RUNX1: variants seen among roughly 807,000 people sequenced by gnomAD.
The protein encoded by RUNX1 is RUNX family transcription factor 1.
In RUNX1, 19 loss-of-function variants were observed where a neutral mutation model predicts 42.8. The ratio of observed to expected loss-of-function variants is 0.44; its 90% CI spans 0.31 to 0.65. The LOEUF (loss-of-function observed/expected upper bound fraction) is 0.65, where lower values mean the gene tolerates loss of function less well. Ranked by LOEUF, RUNX1 falls within the 30% of genes least tolerant of loss-of-function variation. The pLI, the probability that RUNX1 is intolerant of heterozygous loss-of-function variation, is 0.07. For synonymous variants in RUNX1, 271 were observed against 289.4 expected, an observed-to-expected ratio of 0.94 and a Z score of 0.64; for missense variants, 528 against 672.0, an observed-to-expected ratio of 0.79 and a Z score of 2.37.
chr21:35,041,062 C>T (rs575314224), intron 2 of RUNX1, among the ~76,000 whole-genome samples: 1 of 152,194 alleles, frequency 6.6e-6, no homozygotes, highest in Admixed American at 6.5e-5. Flanking sequence ...TGTGGTGTTG[C>T]TCTCAGGCTA....
At chr21:35,029,514 TG>T (rs1368693640) in intron 2 of RUNX1, among the ~76,000 whole-genome samples, 1 of 152,194 alleles carries the variant, frequency 6.6e-6, no homozygotes, top group East Asian at 1.9e-4. Flanking sequence ...TGAGAGAGCC[TG>T]GAACACGGTT....
chr21:34,984,834 C>T (rs144212739), intron 2 of RUNX1, among the ~76,000 whole-genome samples: 11 of 152,226 alleles, frequency 7.2e-5, no homozygotes, highest in South Asian at 2.1e-4. Context: ...AGATAGACCC[C>T]GTCATGTGAA....
intron 6 of RUNX1, among the ~76,000 whole-genome samples, chr21:34,845,397 C>A (rs2057301010): frequency 6.6e-6 from 1 of 152,218 alleles, no homozygotes; most frequent in Non-Finnish European, 1.5e-5. Context: ...CCTCCTCAAT[C>A]CTTTCCCGAT....
intron 8 of RUNX1, among the ~76,000 whole-genome samples, chr21:34,796,993 C>T (rs2056538160): frequency 1.3e-5 from 2 of 152,186 alleles, no homozygotes; most frequent in Admixed American, 6.5e-5. Flanking sequence ...AAAGGCAAAG[C>T]AGCCACAGAG....
chr21:34,813,901 C>T (rs2056790993), intron 7 of RUNX1, among the ~76,000 whole-genome samples: 1 of 152,062 alleles, frequency 6.6e-6, no homozygotes, highest in Non-Finnish European at 1.5e-5. Context: ...TCCCCCTATT[C>T]TCCACAGCAG....
chr21:34,834,744 TAG>T, intron 6 of RUNX1, 143 bp from the exon 7 acceptor site: 1 of 739,976 alleles, frequency 1.4e-6, no homozygotes, highest in South Asian at 1.7e-5. Context: ...ATAGACTCGC[TAG>T]AGATATGCCA....
intron 7 of RUNX1, among the ~76,000 whole-genome samples, chr21:34,813,418 G>A (rs2056783569): frequency 6.6e-6 from 1 of 152,172 alleles, no homozygotes; most frequent in Non-Finnish European, 1.5e-5. Flanking sequence ...TGTCCCCTGG[G>A]CACAGTACAA....
chr21:35,036,520 G>T (rs776034953), intron 2 of RUNX1, among the ~76,000 whole-genome samples: 9 of 152,128 alleles, frequency 5.9e-5, no homozygotes, highest in Non-Finnish European at 1.3e-4. Context: ...GAAGTAGTCT[G>T]TTGTAGAATA....
chr21:34,831,022 C>T (rs1049749240), intron 7 of RUNX1, among the ~76,000 whole-genome samples: 6 of 152,114 alleles, frequency 3.9e-5, no homozygotes, highest in South Asian at 2.1e-4. Flanking sequence ...ATCACTCACT[C>T]GGGTTGCCCA....
intron 7 of RUNX1, among the ~76,000 whole-genome samples, chr21:34,815,907 T>C (rs1453231130): frequency 6.6e-6 from 1 of 152,046 alleles, no homozygotes; most frequent in Non-Finnish European, 1.5e-5. Context: ...GGGGGCTCAC[T>C]AGCTTAGTTA....
intron 6 of RUNX1, among the ~76,000 whole-genome samples, chr21:34,848,973 AAT>A (rs1214979874): frequency 3.3e-5 from 5 of 151,974 alleles, no homozygotes; most frequent in Admixed American, 3.3e-4. Context: ...AAATAATCAG[AAT>A]ATGACTTTTA....
intron 5 of RUNX1, among the ~76,000 whole-genome samples, chr21:34,866,194 G>A (rs962625032): frequency 6.6e-6 from 1 of 152,178 alleles, no homozygotes; most frequent in African/African-American, 2.4e-5. Flanking sequence ...CTGCCCTGGG[G>A]GCTCAGAGTC....
At chr21:35,023,456 G>C (rs571783779) in intron 2 of RUNX1, among the ~76,000 whole-genome samples, 1 of 152,326 alleles carries the variant, frequency 6.6e-6, no homozygotes, top group East Asian at 1.9e-4. Flanking sequence ...CCCTGTCCCA[G>C]GTGGGTGGGT....
At chr21:34,946,409 C>T (rs1412925029) in intron 2 of RUNX1, among the ~76,000 whole-genome samples, 1 of 152,110 alleles carries the variant, frequency 6.6e-6, no homozygotes, top group Non-Finnish European at 1.5e-5. Flanking sequence ...TGTATATGCC[C>T]CTAGAGCTGT....
intron 2 of RUNX1, among the ~76,000 whole-genome samples, chr21:35,020,654 C>T (rs1221864228): frequency 6.6e-6 from 1 of 152,098 alleles, no homozygotes; most frequent in African/African-American, 2.4e-5. Flanking sequence ...CTGGCTGCTG[C>T]ATCGACTTCC....
At chr21:34,954,342 C>T (rs921518064) in intron 2 of RUNX1, among the ~76,000 whole-genome samples, 3 of 152,142 alleles carry the variant, frequency 2.0e-5, no homozygotes, top group Non-Finnish European at 2.9e-5. Flanking sequence ...GGGATCCCTT[C>T]TGGGATATCC....
At chr21:34,856,402 A>C in intron 6 of RUNX1, 1 of 519,072 alleles carries the variant, frequency 1.9e-6, no homozygotes, top group Non-Finnish European at 3.8e-6. Context: ...CATATAAGCC[A>C]ACTCCTCATT....
chr21:34,887,682 A>G, intron 3 of RUNX1: 1 of 1,071,796 alleles, frequency 9.3e-7, no homozygotes, highest in Non-Finnish European at 1.1e-6. Context: ...AGTGCTACTA[A>G]TGTATGTGCA....
At chr21:34,912,215 T>G (rs948112627) in intron 2 of RUNX1, among the ~76,000 whole-genome samples, 7 of 148,154 alleles carry the variant, frequency 4.7e-5, no homozygotes, top group Non-Finnish European at 1.0e-4. Context: ...CTACGTACCC[T>G]GAGGCATCCT....
Sources: allele counts gnomAD v4.1 joint callset (sites outside exome capture counted in the v4.1 genomes callset), GRCh38; gene constraint gnomAD v4.1.1; transcripts MANE v1.5; gene names NCBI Gene and HGNC (gene_info 2026-07-23, HGNC 2026-07-21).